The following EYS variants were observed in gnomAD, a reference collection of about 807,000 sequenced individuals.
EYS encodes the protein protein eyes shut homolog.
Under a neutral mutation model 282.1 loss-of-function variants are expected in EYS, and 250 were observed. The observed-to-expected ratio is 0.89, with a 90% CI of 0.80 to 0.98. The LOEUF is 0.98. EYS is among the 50% of genes least tolerant of loss of function. The probability of loss-of-function intolerance (pLI) is 0.00; values close to 1 mark genes in which losing one functional copy is unlikely to be tolerated. For missense variants in EYS, 4,016 were observed against 3,709.0 expected (o/e 1.08, Z -2.15); for synonymous variants, 1,355 against 1,282.9 (o/e 1.06, Z -1.20).
chr6:64,309,532 T>G (rs1769589862), intron 29 of EYS, among the ~76,000 whole-genome samples: 1 of 152,186 alleles, frequency 6.6e-6, no homozygotes, highest in African/African-American at 2.4e-5. Flanking sequence ...CTGTTCGGAA[T>G]AGTTATTTAG....
chr6:64,375,880 C>G (rs1301803337), intron 29 of EYS, among the ~76,000 whole-genome samples: 1 of 151,946 alleles, frequency 6.6e-6, no homozygotes, highest in Admixed American at 6.6e-5. Flanking sequence ...GATACCAAAT[C>G]AATGCAAGAG....
At chr6:65,138,752 G>T (rs562140052) in intron 12 of EYS, among the ~76,000 whole-genome samples, 5 of 152,102 alleles carry the variant, frequency 3.3e-5, no homozygotes, top group African/African-American at 1.2e-4. Context: ...AATGTTGCAA[G>T]ACAGAAAACG....
At chr6:65,625,097 C>A (rs1458103531) in intron 2 of EYS, among the ~76,000 whole-genome samples, 1 of 152,060 alleles carries the variant, frequency 6.6e-6, no homozygotes, top group Non-Finnish European at 1.5e-5. Context: ...GGCTGTTATA[C>A]AGGGAAAGTG....
At chr6:64,203,414 C>A (rs917246960) in intron 31 of EYS, among the ~76,000 whole-genome samples, 2 of 152,116 alleles carry the variant, frequency 1.3e-5, no homozygotes, top group African/African-American at 4.8e-5. Context: ...AGAGTGAGGA[C>A]ATATAGAAGA....
chr6:65,361,070 T>A, intron 8 of EYS, among the ~76,000 whole-genome samples: 1 of 151,516 alleles, frequency 6.6e-6, no homozygotes, highest in East Asian at 1.9e-4. Flanking sequence ...TTTCTAAATT[T>A]CCTTTAGAAA....
At chr6:64,444,754 T>C (rs981617107) in intron 26 of EYS, among the ~76,000 whole-genome samples, 1 of 152,218 alleles carries the variant, frequency 6.6e-6, no homozygotes, top group Non-Finnish European at 1.5e-5. Context: ...TTTGGATCAC[T>C]AGGGCTGATC....
chr6:65,285,207 A>T (rs1261447870), intron 12 of EYS, among the ~76,000 whole-genome samples: 1 of 152,044 alleles, frequency 6.6e-6, no homozygotes, highest in Non-Finnish European at 1.5e-5. Context: ...ATTTTCTGCT[A>T]CATTTTGTGG....
At chr6:64,264,614 T>C (rs924052281) in intron 30 of EYS, among the ~76,000 whole-genome samples, 11 of 152,024 alleles carry the variant, frequency 7.2e-5, no homozygotes, top group Non-Finnish European at 1.2e-4. Context: ...CACTTCTTAA[T>C]GAAAAGAGTG....
At chr6:65,335,494 G>A (rs1769954129) in intron 10 of EYS, among the ~76,000 whole-genome samples, 1 of 151,694 alleles carries the variant, frequency 6.6e-6, no homozygotes, top group South Asian at 2.1e-4. Flanking sequence ...GCAATTGTAG[G>A]CCTCAAACCA....
intron 35 of EYS, 145 bp from the exon 36 acceptor site, chr6:63,864,503 T>TC (rs1554183007): frequency 3.6e-6 from 2 of 552,976 alleles, no homozygotes; most frequent in Middle Eastern, 4.8e-4. Flanking sequence ...CTCCCTCTTT[T>TC]CTGTTTCAAC....
intron 12 of EYS, among the ~76,000 whole-genome samples, chr6:65,111,394 T>C (rs1317603676): frequency 1.3e-5 from 2 of 152,206 alleles, no homozygotes; most frequent in Non-Finnish European, 2.9e-5. Flanking sequence ...CCCAAATTTA[T>C]TGAGAAAACT....
At chr6:64,000,210 T>A (rs1295843719) in intron 33 of EYS, among the ~76,000 whole-genome samples, 7 of 117,784 alleles carry the variant, frequency 5.9e-5, no homozygotes, top group Admixed American at 9.4e-5. Flanking sequence ...TTTTTTTTTT[T>A]AGACAGAGTC....
intron 11 of EYS, chr6:65,329,176 T>C (rs577691756): frequency 4.8e-6 from 1 of 207,558 alleles, no homozygotes; most frequent in Non-Finnish European, 8.4e-6. Flanking sequence ...CGGTCAAACT[T>C]TAATTTTAAA....
intron 2 of EYS, among the ~76,000 whole-genome samples, chr6:65,511,771 G>A (rs931570211): frequency 4.0e-5 from 6 of 151,822 alleles, no homozygotes; most frequent in African/African-American, 1.5e-4. Context: ...TGGTCAACAT[G>A]GCAAAAAGTC....
chr6:65,442,104 A>G (rs534998495), intron 5 of EYS, among the ~76,000 whole-genome samples: 10 of 152,170 alleles, frequency 6.6e-5, no homozygotes, highest in African/African-American at 2.2e-4. Context: ...TGTTGCTTTT[A>G]GACCATTGAA....
At chr6:65,310,367 CTATAGA>C (rs1769123736) in intron 11 of EYS, among the ~76,000 whole-genome samples, 1 of 151,954 alleles carries the variant, frequency 6.6e-6, no homozygotes, top group Non-Finnish European at 1.5e-5. Context: ...AGCTATCTAT[CTATAGA>C]TATAGATATA....
At chr6:65,324,695 G>A (rs545859537) in intron 11 of EYS, among the ~76,000 whole-genome samples, 8 of 152,310 alleles carry the variant, frequency 5.3e-5, no homozygotes, top group Non-Finnish European at 1.0e-4. Flanking sequence ...TTGTACATAA[G>A]TAACCTGGAC....
intron 13 of EYS, among the ~76,000 whole-genome samples, chr6:65,046,829 A>C (rs1161214258): frequency 6.6e-6 from 1 of 151,892 alleles, no homozygotes; most frequent in Non-Finnish European, 1.5e-5. Flanking sequence ...ACCTGGTGGA[A>C]GGTGTTTGTA....
chr6:65,573,105 G>A (rs955730534), intron 2 of EYS, among the ~76,000 whole-genome samples: 4 of 152,078 alleles, frequency 2.6e-5, no homozygotes, highest in African/African-American at 9.7e-5. Context: ...CCTTGGGAGT[G>A]ATGTCACAAA....
Sources: gnomAD v4.1 joint callset for allele counts (sites outside exome capture counted in the v4.1 genomes callset) on GRCh38, gnomAD v4.1.1 for gene constraint, MANE v1.5 for transcripts, NCBI Gene and HGNC (gene_info 2026-07-23, HGNC 2026-07-21) for gene names.